Variants in OSBPL1A observed in about 807,000 individuals in gnomAD.
OSBPL1A encodes oxysterol binding protein like 1A, also known as oxysterol-binding protein-related protein 1.
A neutral mutation model predicts 137.1 loss-of-function variants in OSBPL1A; 80 were observed. The observed-to-expected ratio is 0.58, with a 90% CI of 0.49 to 0.70. The LOEUF is 0.70. Ranked by LOEUF, OSBPL1A falls within the 30% of genes least tolerant of loss-of-function variation. The pLI, the probability that OSBPL1A is intolerant of heterozygous loss-of-function variation, is 0.00. For missense variants in OSBPL1A, 970 were observed against 1,129.4 expected (o/e 0.86, Z 2.02); for synonymous variants, 365 against 389.7 (o/e 0.94, Z 0.75).
rs1183982555 is a variant in OSBPL1A, at chr18:24,324,141, G to A, written c.626-5332C>T. Among the ~76,000 whole-genome samples, 3 of 73,142 alleles carry A rather than the reference G, an allele frequency of 4.1e-5. No individual in the cohort carries two copies. The East Asian group carries it at 6.5e-4, about 16-fold the overall frequency. The allele number at this position is 73,142 out of a possible 152,430, so 48.0% of individuals were successfully genotyped here. A position where few individuals can be genotyped will look rare whatever the true frequency, so the allele number is the denominator to read the frequency against. On this transcript the variant is annotated intron_variant, in intron 7 of 27. Transcript: ENST00000319481. ...AGGAGGCTGAGGCAGAGAACTGCTTGAACCCGGGAGGCGGAGGTTGCAGTG... is the reference window on the plus strand; with the variant it reads ...AGGAGGCTGAGGCAGAGAACTGCTTAAACCCGGGAGGCGGAGGTTGCAGTG...
intron 18 of OSBPL1A, among the ~76,000 whole-genome samples, chr18:24,181,615 G>C (rs1466846463): frequency 1.3e-5 from 2 of 152,214 alleles, no homozygotes; most frequent in African/African-American, 2.4e-5. Context: ...AATGGAGACA[G>C]AACAAAATTC....
At chr18:24,351,108 G>A (rs2146171190) in intron 4 of OSBPL1A, among the ~76,000 whole-genome samples, 1 of 152,146 alleles carries the variant, frequency 6.6e-6, no homozygotes, top group East Asian at 1.9e-4. Context: ...AGCACTTTGG[G>A]AGGCAAAAGT....
At chr18:24,362,284 G>C (rs778099673) in intron 4 of OSBPL1A, among the ~76,000 whole-genome samples, 6 of 151,854 alleles carry the variant, frequency 4.0e-5, no homozygotes, top group Non-Finnish European at 7.4e-5. Flanking sequence ...CAGGCAAATC[G>C]AGCCATCTGC....
At chr18:24,250,152 G>GGTTT (rs1555637652) in intron 15 of OSBPL1A, among the ~76,000 whole-genome samples, 2 of 71,952 alleles carry the variant, frequency 2.8e-5, no homozygotes, top group Non-Finnish European at 5.7e-5. Flanking sequence ...GCGTTTGTGT[G>GGTTT]TTTTTGTTTG....
intron 17 of OSBPL1A, 75 bp downstream of exon 17, chr18:24,224,967 C>T: frequency 6.4e-7 from 1 of 1,565,756 alleles, no homozygotes. Context: ...GAAGACAAGA[C>T]ATATATTTCT....
intron 15 of OSBPL1A, among the ~76,000 whole-genome samples, chr18:24,245,150 G>C (rs1022146291): frequency 6.6e-6 from 1 of 152,028 alleles, no homozygotes; most frequent in Non-Finnish European, 1.5e-5. Flanking sequence ...CTGGAGTGCA[G>C]GCTCCATCAT....
At chr18:24,166,231 T>C (rs1286938813) in intron 26 of OSBPL1A, among the ~76,000 whole-genome samples, 1 of 152,202 alleles carries the variant, frequency 6.6e-6, no homozygotes, top group Admixed American at 6.5e-5. Flanking sequence ...ACATGTAAGT[T>C]ATACTTAACC....
chr18:24,315,763 A>C (rs2090714345), intron 11 of OSBPL1A, among the ~76,000 whole-genome samples: 1 of 120,198 alleles, frequency 8.3e-6, no homozygotes, highest in Admixed American at 1.1e-4. Context: ...AATATATAGT[A>C]TATATTATAT....
chr18:24,374,847 C>T (rs1905961107), intron 2 of OSBPL1A, among the ~76,000 whole-genome samples: 1 of 152,016 alleles, frequency 6.6e-6, no homozygotes, highest in Admixed American at 6.6e-5. Context: ...GCTTCCAATG[C>T]TTAAGGAGCA....
At chr18:24,341,487 G>C (rs2091271902) in intron 5 of OSBPL1A, 60 bp downstream of exon 5, 6 of 1,315,108 alleles carry the variant, frequency 4.6e-6, no homozygotes, top group Middle Eastern at 1.8e-4. Flanking sequence ...GCCATTTTTA[G>C]TCAGAACCTT....
At chr18:24,338,847 G>A (rs2091226009) in intron 5 of OSBPL1A, among the ~76,000 whole-genome samples, 1 of 152,088 alleles carries the variant, frequency 6.6e-6, no homozygotes, top group African/African-American at 2.4e-5. Context: ...CTGAGTAGCT[G>A]GGACTACAAC....
rs2088731938 is a variant in OSBPL1A, at chr18:24,242,390, A to C, written c.1282-3008T>G. ...AAGCACTGGATGGAGTGACATCCAA[A>C]ACCTCCTCTAGGTCACACTTTCCAT... On this transcript the variant is annotated intron_variant, in intron 15 of 27. Coordinates refer to ENST00000319481, the MANE Select transcript of OSBPL1A (RefSeq NM_080597.4). Among the ~76,000 whole-genome samples the C allele has an allele frequency of 2.0e-5, 3 of 152,138 alleles. No individual in the cohort carries two copies. In the South Asian group the frequency reaches 6.2e-4, roughly 32 times the overall value.
At chr18:24,289,283 C>A (rs1490305622) in intron 14 of OSBPL1A, among the ~76,000 whole-genome samples, 4 of 152,160 alleles carry the variant, frequency 2.6e-5, no homozygotes, top group Non-Finnish European at 5.9e-5. Context: ...TTGTCCTCAA[C>A]AAATTCTACC....
intron 1 of OSBPL1A, among the ~76,000 whole-genome samples, chr18:24,380,762 A>G (rs1906518972): frequency 6.6e-6 from 1 of 152,052 alleles, no homozygotes; most frequent in Admixed American, 6.6e-5. Context: ...GACCAGTCTG[A>G]TCAACATGGT....
chr18:24,170,566 T>C, intron 23 of OSBPL1A, 113 bp from the exon 24 acceptor site: 1 of 1,194,822 alleles, frequency 8.4e-7, no homozygotes, highest in African/African-American at 1.5e-5. Flanking sequence ...GGCCTGACCC[T>C]GCTTAGCTTC....
In OSBPL1A at chr18:24,260,683, G is replaced by A. The variant is rs1400452964; in HGVS notation, c.1281+20159C>T. ...GACAGGGAGTATTTAATGGGTACAG[G>A]GTTCCTTGTGGAATGATGAAAATGT... is the stretch of plus-strand genomic sequence containing the variant. On this transcript the variant is annotated intron_variant, in intron 15 of 27. Transcript: ENST00000319481. Among the ~76,000 whole-genome samples, 8 of 152,090 alleles carry A rather than the reference G, an allele frequency of 5.3e-5. No individual in the cohort carries two copies. The East Asian group carries it at 1.5e-3, about 29-fold the overall frequency.
chr18:24,250,886 G>C (rs1242891103), intron 15 of OSBPL1A, among the ~76,000 whole-genome samples: 1 of 152,130 alleles, frequency 6.6e-6, no homozygotes, highest in Non-Finnish European at 1.5e-5. Context: ...TGCCCTGAAG[G>C]GTGAGTCCCA....
intron 1 of OSBPL1A, among the ~76,000 whole-genome samples, chr18:24,384,864 A>C (rs1906840008): frequency 6.6e-6 from 1 of 151,320 alleles, no homozygotes; most frequent in African/African-American, 2.4e-5. Flanking sequence ...ACAAGAGTGA[A>C]ACTGTCTCGG....
At position 24,294,454 on chromosome 18, in the gene OSBPL1A, G is replaced by A. The variant is rs552307740; in HGVS notation, c.1174+9183C>T. 3.3e-5 allele frequency among the ~76,000 whole-genome samples: 5 copies of A among 152,068 alleles called. No individual in the cohort carries two copies. The South Asian group carries it at 6.2e-4, about 19-fold the overall frequency. On this transcript the variant is annotated intron_variant, in intron 14 of 27. Coordinates refer to ENST00000319481, the MANE Select transcript of OSBPL1A (RefSeq NM_080597.4). Reference sequence around the variant, plus strand: ...TCACCATGTTGGCCAGGCTGGTCTCGAACTCCTGACCTCAGGTGATCCGCC... The same window carrying A: ...TCACCATGTTGGCCAGGCTGGTCTCAAACTCCTGACCTCAGGTGATCCGCC...
Sources: allele counts gnomAD v4.1 joint callset (sites outside exome capture counted in the v4.1 genomes callset), GRCh38; gene constraint gnomAD v4.1.1; transcripts MANE v1.5; gene names NCBI Gene and HGNC (gene_info 2026-07-23, HGNC 2026-07-21).